The following CNTNAP2 variants were observed in gnomAD, a reference collection of about 807,000 sequenced individuals.
The protein encoded by CNTNAP2 is contactin-associated protein-like 2.
A neutral mutation model predicts 155.2 loss-of-function variants in CNTNAP2; 98 were observed. The observed-to-expected ratio is 0.63, with a 90% CI of 0.54 to 0.75. The LOEUF (loss-of-function observed/expected upper bound fraction) is 0.75. CNTNAP2 is among the 30% of genes least tolerant of loss of function. CNTNAP2 has a pLI of 0.00. For synonymous variants in CNTNAP2, 651 were observed against 631.2 expected, an observed-to-expected ratio of 1.03 and a Z score of -0.47; for missense variants, 1,727 against 1,688.1, an observed-to-expected ratio of 1.02 and a Z score of -0.40.
chr7:146,382,819 G>A lies in CNTNAP2; in HGVS notation c.97+265846G>A, dbSNP rs533788805. 8.7e-4 allele frequency among the ~76,000 whole-genome samples: 132 copies of A among 152,044 alleles called. 1 individual carries two copies. Among genetic ancestry groups the A allele is most frequent in the Non-Finnish European group, 1.5e-3 (101 of 67,960 alleles). On this transcript the variant is annotated intron_variant, in intron 1 of 23. Transcript: ENST00000361727. ...GTGCTGCCATGAGTTATGACTAACCGAGAAAAATGTATTCTATAGCCAAAT... is the reference window on the plus strand; with the variant it reads ...GTGCTGCCATGAGTTATGACTAACCAAGAAAAATGTATTCTATAGCCAAAT...
chr7:146,708,506 C>T (rs1219763942), intron 1 of CNTNAP2, among the ~76,000 whole-genome samples: 1 of 144,234 alleles, frequency 6.9e-6, no homozygotes, highest in Non-Finnish European at 1.5e-5. Flanking sequence ...TATTAAAGTG[C>T]TATTTCCAGA....
rs1796113425 is a variant in CNTNAP2 at position 146,427,733 on chromosome 7, TAA to T, written c.97+310765_97+310766del. 2.0e-5 allele frequency among the ~76,000 whole-genome samples: 3 copies of T among 152,194 alleles called. No individual in the cohort carries two copies. The South Asian group carries it at 6.2e-4, about 31-fold the overall frequency. On this transcript the variant is annotated intron_variant, in intron 1 of 23. Transcript: ENST00000361727. ...ATTTTATCATCTAATGTATCTTTTT[TAA>T]AAAACTGTTTTCAACTTTTAAGTTC...
chr7:147,895,659 A>G (rs1252312112), intron 13 of CNTNAP2, among the ~76,000 whole-genome samples: 1 of 152,200 alleles, frequency 6.6e-6, no homozygotes, highest in Non-Finnish European at 1.5e-5. Context: ...TCTTTTAAAA[A>G]AGCTTTCCAT....
At chr7:146,260,574 T>C (rs768516486) in intron 1 of CNTNAP2, among the ~76,000 whole-genome samples, 7 of 152,218 alleles carry the variant, frequency 4.6e-5, no homozygotes, top group Non-Finnish European at 1.0e-4. Context: ...GAGATTATTT[T>C]GAAGCTATAA....
At chr7:147,936,453 G>A (rs1282696439) in intron 14 of CNTNAP2, among the ~76,000 whole-genome samples, 1 of 152,048 alleles carries the variant, frequency 6.6e-6, no homozygotes, top group African/African-American at 2.4e-5. Context: ...TTAGAAAGGA[G>A]AGTATTTTTG....
chr7:148,072,440 C>T (rs527541900), intron 15 of CNTNAP2, among the ~76,000 whole-genome samples: 7 of 152,242 alleles, frequency 4.6e-5, no homozygotes, highest in Non-Finnish European at 7.4e-5. Flanking sequence ...TATGGTTGTG[C>T]TCCAATAAAA....
At chr7:147,907,704 T>C (rs913995595) in intron 14 of CNTNAP2, among the ~76,000 whole-genome samples, 6 of 152,222 alleles carry the variant, frequency 3.9e-5, no homozygotes, top group African/African-American at 1.2e-4. Flanking sequence ...ATTAAGAATA[T>C]AGAATATAAA....
At chr7:146,144,528 G>A (rs1797929919) in intron 1 of CNTNAP2, among the ~76,000 whole-genome samples, 1 of 152,108 alleles carries the variant, frequency 6.6e-6, no homozygotes. Flanking sequence ...CCTGTTCCCA[G>A]GCTAAAATTA....
intron 2 of CNTNAP2, among the ~76,000 whole-genome samples, chr7:146,786,456 T>A (rs1362391693): frequency 6.6e-6 from 1 of 152,186 alleles, no homozygotes; most frequent in Non-Finnish European, 1.5e-5. Context: ...ATGCATGCCT[T>A]GCAAAAGTAA....
intron 8 of CNTNAP2, among the ~76,000 whole-genome samples, chr7:147,258,415 C>T (rs888856863): frequency 6.6e-6 from 1 of 152,106 alleles, no homozygotes; most frequent in Non-Finnish European, 1.5e-5. Context: ...TATATATTAA[C>T]TGGACTATCT....
intron 13 of CNTNAP2, among the ~76,000 whole-genome samples, chr7:147,736,435 C>A (rs1584928438): frequency 6.6e-6 from 1 of 152,078 alleles, no homozygotes. Context: ...CCCGACCTTT[C>A]TCTCTGGCTG....
At position 146,271,555 on chromosome 7, in the gene CNTNAP2, C is replaced by T. The variant is rs116222404; in HGVS notation, c.97+154582C>T. Among the ~76,000 whole-genome samples, 579 of 151,792 alleles carry T rather than the reference C, an allele frequency of 3.8e-3. 3 individuals are homozygous for T. Among genetic ancestry groups the T allele is most frequent in the African/African-American group, 0.013 (551 of 41,526 alleles). On this transcript the variant is annotated intron_variant, in intron 1 of 23. Transcript: ENST00000361727. ...ATAATATACGGTTTATTCACTCATA[C>T]ATTAAGAACTTGTGAAAACAGAAAC...
At chr7:147,578,808 T>C (rs1456483515) in intron 12 of CNTNAP2, among the ~76,000 whole-genome samples, 1 of 152,066 alleles carries the variant, frequency 6.6e-6, no homozygotes, top group Non-Finnish European at 1.5e-5. Flanking sequence ...ACCCTGTGTA[T>C]TACGAAATTA....
intron 13 of CNTNAP2, among the ~76,000 whole-genome samples, chr7:147,653,825 CAATT>C (rs993474231): frequency 1.3e-5 from 2 of 152,172 alleles, no homozygotes; most frequent in East Asian, 1.9e-4. Flanking sequence ...ATGTTAAAAT[CAATT>C]AATCTTTCTC....
At chr7:146,815,700 G>A (rs908375773) in intron 2 of CNTNAP2, among the ~76,000 whole-genome samples, 9 of 152,066 alleles carry the variant, frequency 5.9e-5, no homozygotes, top group African/African-American at 1.9e-4. Flanking sequence ...ATATATATTA[G>A]CAAGTTCCCT....
intron 1 of CNTNAP2, among the ~76,000 whole-genome samples, chr7:146,235,361 G>A (rs538177091): frequency 2.0e-5 from 3 of 151,904 alleles, no homozygotes; most frequent in East Asian, 3.9e-4. Context: ...TGACTCTCAC[G>A]GTGGCTGTTT....
At chr7:146,332,237 T>C (rs1257026864) in intron 1 of CNTNAP2, among the ~76,000 whole-genome samples, 2 of 152,000 alleles carry the variant, frequency 1.3e-5, no homozygotes, top group Non-Finnish European at 1.5e-5. Flanking sequence ...CTGTTAACTT[T>C]TATAATCGAA....
chr7:147,382,094 T>C (rs1032591186), intron 9 of CNTNAP2, among the ~76,000 whole-genome samples: 4 of 152,164 alleles, frequency 2.6e-5, no homozygotes, highest in African/African-American at 9.7e-5. Context: ...TTTTCTTGTT[T>C]ATATATGGCA....
intron 15 of CNTNAP2, among the ~76,000 whole-genome samples, chr7:148,038,865 TGG>T (rs1563177050): frequency 0.014 from 2,117 of 151,882 alleles, 44 homozygotes; most frequent in African/African-American, 0.049. Context: ...GATGGATGGA[TGG>T]ATGGATAGAT....
Sources: allele counts gnomAD v4.1 joint callset (sites outside exome capture counted in the v4.1 genomes callset), GRCh38; gene constraint gnomAD v4.1.1; transcripts MANE v1.5; gene names NCBI Gene and HGNC (gene_info 2026-07-23, HGNC 2026-07-21).